The following WDR64 variants were observed in gnomAD, a reference collection of about 807,000 sequenced individuals.
WDR64 encodes WD repeat domain 64.
A neutral mutation model predicts 139.3 loss-of-function variants in WDR64; 112 were observed. The observed-to-expected ratio is 0.80, with a 90% CI of 0.69 to 0.94. The LOEUF (loss-of-function observed/expected upper bound fraction) is 0.94, where lower values mean the gene tolerates loss of function less well. Ranked by LOEUF, WDR64 falls within the 40% of genes least tolerant of loss-of-function variation. The pLI is 0.00. For missense variants in WDR64, 1,206 were observed against 1,293.1 expected (o/e 0.93, Z 1.03); for synonymous variants, 444 against 437.7 (o/e 1.01, Z -0.18).
intron 8 of WDR64, among the ~76,000 whole-genome samples, chr1:241,702,823 A>G (rs1308328467): frequency 1.3e-5 from 2 of 152,362 alleles, no homozygotes; most frequent in East Asian, 1.9e-4. Context: ...AATCACAGCC[A>G]TACTTATTTG....
intron 6 of WDR64, among the ~76,000 whole-genome samples, chr1:241,680,435 T>A (rs1167842005): frequency 6.6e-6 from 1 of 152,180 alleles, no homozygotes; most frequent in Non-Finnish European, 1.5e-5. Context: ...ATAGACCAGG[T>A]TTTATTAATT....
At chr1:241,701,746 G>T (rs1193429037) in intron 8 of WDR64, among the ~76,000 whole-genome samples, 1 of 152,160 alleles carries the variant, frequency 6.6e-6, no homozygotes, top group Non-Finnish European at 1.5e-5. Context: ...AGCTGAAGAG[G>T]TTTCTCAAGT....
intron 14 of WDR64, 128 bp from the exon 15 acceptor site, chr1:241,757,155 T>C (rs1288165696): frequency 9.9e-5 from 77 of 780,736 alleles, no homozygotes; most frequent in Non-Finnish European, 1.9e-5. Flanking sequence ...AAGGAATAGA[T>C]GGGGCTGAAG....
chr1:241,680,993 T>A (rs1290718966), intron 6 of WDR64, among the ~76,000 whole-genome samples: 1 of 152,080 alleles, frequency 6.6e-6, no homozygotes, highest in African/African-American at 2.4e-5. Flanking sequence ...GGAAACCACA[T>A]CCTTACTTTC....
rs147552084 is a variant in WDR64 at position 241,723,315 on chromosome 1, G to T, written c.1073G>T (p.Arg358Leu). 2 of 1,613,800 alleles carry T rather than the reference G, an allele frequency of 1.2e-6. No individual in the cohort carries two copies. The highest frequency in any genetic ancestry group is 1.7e-5 in the Admixed American group (1 of 59,986). ...TTTTCAGGAGATGATAAGGTCATCC[G>T]GTTGTGGCACCCCAATATCAGCACC... ...IVTGGDDKVI[R>L]LWHPNISTKP... The change falls in exon 10 of 28, where the codon CGG becomes CTG. Residue 358 changes from arginine to leucine, a missense_variant. By Grantham distance (102) the Arg-to-Leu change is moderately radical. Transcript: ENST00000437684.
chr1:241,727,135 C>T (rs1668877403), intron 10 of WDR64, among the ~76,000 whole-genome samples: 1 of 152,160 alleles, frequency 6.6e-6, no homozygotes, highest in South Asian at 2.1e-4. Context: ...TATCCACCTG[C>T]CTCAGCCTCC....
intron 20 of WDR64, among the ~76,000 whole-genome samples, chr1:241,774,816 G>A (rs1396012226): frequency 6.6e-6 from 1 of 152,054 alleles, no homozygotes; most frequent in Non-Finnish European, 1.5e-5. Context: ...GCATGAAAAG[G>A]GTCATGGGAT....
intron 25 of WDR64, among the ~76,000 whole-genome samples, chr1:241,791,586 C>T (rs1659215956): frequency 6.6e-6 from 1 of 151,954 alleles, no homozygotes; most frequent in Non-Finnish European, 1.5e-5. Context: ...GTGGGAGGAC[C>T]CCTTGAGCCC....
At chr1:241,724,099 T>A (rs1668712271) in intron 10 of WDR64, among the ~76,000 whole-genome samples, 1 of 152,130 alleles carries the variant, frequency 6.6e-6, no homozygotes, top group African/African-American at 2.4e-5. Context: ...ACAGGCAATA[T>A]TCACTACTAA....
Position 241,718,791 on chromosome 1 carries a change from T to G in WDR64, c.1055-4506T>G, listed in dbSNP as rs189868915. 1.4e-3 allele frequency among the ~76,000 whole-genome samples: 208 copies of G among 152,234 alleles called. 1 individual carries two copies. Among genetic ancestry groups the G allele is most frequent in the African/African-American group, 4.8e-3 (200 of 41,530 alleles). On this transcript the variant is annotated intron_variant, in intron 9 of 27. Transcript: ENST00000437684. Reference sequence around the variant, plus strand: ...TCTGGCGAGAGCTCTCTTCCTGGCTTGTAGACATCTGCCTTCTCTCCATGT... The same window carrying G: ...TCTGGCGAGAGCTCTCTTCCTGGCTGGTAGACATCTGCCTTCTCTCCATGT...
At chr1:241,771,627 T>G in intron 18 of WDR64, 34 bp from the exon 19 acceptor site, 1 of 1,457,762 alleles carries the variant, frequency 6.9e-7, no homozygotes. Flanking sequence ...TACAATGTCA[T>G]GGAAGTCTTT....
chr1:241,784,845 T>C (rs956287346), intron 23 of WDR64, among the ~76,000 whole-genome samples: 3 of 145,310 alleles, frequency 2.1e-5, no homozygotes, highest in African/African-American at 7.4e-5. Flanking sequence ...TCCCAGCTAC[T>C]TGGGAGGCTG....
intron 8 of WDR64, among the ~76,000 whole-genome samples, chr1:241,689,625 A>C (rs986886549): frequency 1.3e-5 from 2 of 152,218 alleles, no homozygotes; most frequent in African/African-American, 4.8e-5. Context: ...CAGAACAAGC[A>C]TCAGAATCAG....
At chr1:241,729,262 G>C (rs12026720) in intron 10 of WDR64, among the ~76,000 whole-genome samples, 23,959 of 151,902 alleles carry the variant, frequency 0.16, 3,121 homozygotes, top group African/African-American at 0.34. Flanking sequence ...ATCCACCAAG[G>C]GGCTCCCAGT....
intron 8 of WDR64, among the ~76,000 whole-genome samples, chr1:241,698,747 G>A (rs10926538): frequency 0.66 from 100,765 of 151,966 alleles, 34,697 homozygotes; most frequent in African/African-American, 0.85. Context: ...ACCTACTCCA[G>A]GGAATTTTCC....
In WDR64 at chr1:241,674,218, C is replaced by A. The variant is rs943047382; in HGVS notation, c.380-426C>A. ...ACTTTAATTTTTAAGTAACTTGGGG[C>A]TTTCTAGCAAAAAAGCTGGCTGTTT... On this transcript the variant is annotated intron_variant, in intron 3 of 27. Transcript: ENST00000437684. 2.9e-5 allele frequency among the ~76,000 whole-genome samples: 4 copies of A among 136,528 alleles called. No homozygotes were observed. The South Asian group carries it at 9.6e-4, about 33-fold the overall frequency. The allele number at this position is 136,528 out of a possible 152,430, so 89.6% of individuals were successfully genotyped here.
At chr1:241,785,336 TTGCTCTC>T (rs1172432223) in intron 23 of WDR64, among the ~76,000 whole-genome samples, 1 of 152,216 alleles carries the variant, frequency 6.6e-6, no homozygotes, top group Admixed American at 6.5e-5. Flanking sequence ...TACTGAGGTC[TTGCTCTC>T]TGCTTCATAA....
At chr1:241,766,917 T>A (rs1445223428) in intron 16 of WDR64, among the ~76,000 whole-genome samples, 1 of 152,216 alleles carries the variant, frequency 6.6e-6, no homozygotes, top group Non-Finnish European at 1.5e-5. Context: ...TTTTCATGTG[T>A]GATCTTGCCC....
chr1:241,679,559 T>G lies in WDR64; in HGVS notation c.588T>G (p.Ile196Met). 6.4e-7 allele frequency: 1 copy of G among 1,551,808 alleles called. No homozygotes were observed. Among genetic ancestry groups the G allele is most frequent in the Non-Finnish European group, 8.7e-7 (1 of 1,146,914 alleles). ...TCGTAGCCACAACCGAAAGGACCAT[T>G]ATTGTCTGGGATTATAAAGCTCAAG... Reference protein sequence around the residue: ...KRIVATTERTIIVWDYKAQGS... With the variant: ...KRIVATTERTMIVWDYKAQGS... Residue 196 changes from isoleucine (I) to methionine (M), a missense_variant, in exon 6 of 28, where the codon ATT becomes ATG. Physicochemically the swap from Ile to Met is conservative, Grantham distance 10. Coordinates refer to ENST00000437684, the MANE Select transcript of WDR64 (RefSeq NM_001367482.1).
Sources: gnomAD v4.1 joint callset for allele counts (sites outside exome capture counted in the v4.1 genomes callset) on GRCh38, gnomAD v4.1.1 for gene constraint, MANE v1.5 for transcripts, NCBI Gene and HGNC (gene_info 2026-07-23, HGNC 2026-07-21) for gene names.